POM121C: variants seen among roughly 807,000 people sequenced by gnomAD.
The protein encoded by POM121C is POM121 transmembrane nucleoporin C.
POM121C carries 20 observed loss-of-function variants against 66.4 expected under a neutral mutation model. The ratio of observed to expected loss-of-function variants is 0.30; its 90% CI spans 0.21 to 0.44. POM121C has a LOEUF of 0.44. Among genes scored for constraint, POM121C ranks in the 20% least tolerant of loss-of-function variants. The pLI is 1.00. For synonymous variants in POM121C, 286 were observed against 528.0 expected (o/e 0.54, Z 6.28); for missense variants, 580 against 1,225.7 (o/e 0.47, Z 7.87).
intron 3 of POM121C, chr7:75,442,632 C>T: frequency 3.4e-6 from 5 of 1,487,964 alleles, no homozygotes; most frequent in Non-Finnish European, 3.6e-6. Flanking sequence ...CCGGCCGGCC[C>T]GCCGCAGCCC....
chr7:75,423,812 C>T lies in POM121C; in HGVS notation c.1048+237G>A, dbSNP rs587674479. Among the ~76,000 whole-genome samples, 10 of 152,120 alleles carry T rather than the reference C, an allele frequency of 6.6e-5. No individual in the cohort carries two copies. The South Asian group carries it at 2.1e-3, about 32-fold the overall frequency. ...ATTCTCATCTGACAAATGAGGAAGG[C>T]GAGGCTCAGGGCAGCTAAGCCAGGC... On this transcript the variant is annotated intron_variant, in intron 12 of 14. Coordinates refer to ENST00000615331, the MANE Select transcript of POM121C (RefSeq NM_001099415.3).
At chr7:75,472,121 C>T (rs1433005743) in intron 3 of POM121C, among the ~76,000 whole-genome samples, 26 of 151,722 alleles carry the variant, frequency 1.7e-4, no homozygotes, top group African/African-American at 5.8e-4. Flanking sequence ...CTCCTGACCT[C>T]GTGATCCGCC....
At chr7:75,419,563 C>T in intron 13 of POM121C, 121 bp from the exon 14 acceptor site, 1 of 1,159,980 alleles carries the variant, frequency 8.6e-7, no homozygotes, top group African/African-American at 1.6e-5. Context: ...ACTTCTGCTT[C>T]TGGGGCACTC....
At chr7:75,450,854 A>C (rs1161188518) in intron 3 of POM121C, among the ~76,000 whole-genome samples, 1 of 152,220 alleles carries the variant, frequency 6.6e-6, no homozygotes, top group Non-Finnish European at 1.5e-5. Flanking sequence ...AATGACAATC[A>C]CAAATCATGC....
At position 75,418,475 on chromosome 7, in the gene POM121C, C is replaced by T. The variant is rs1305897159; in HGVS notation, c.*321G>A. The T allele has an allele frequency of 4.2e-5, 45 of 1,078,678 alleles. No homozygotes were observed. The highest frequency in any genetic ancestry group is 6.6e-5 in the East Asian group (1 of 15,134). 66.8% of individuals were successfully genotyped at this position (1,078,678 alleles called of 1,614,324 possible). ...GGCTCTCGGGGAAAGGTGGAAGGGG[C>T]GCCTGCCTAAGGGTGCGCTAAGCGG... On this transcript the variant is annotated 3_prime_UTR_variant, in exon 15 of 15. Transcript: ENST00000615331.
At chr7:75,482,905 C>T (rs1445788483) in intron 1 of POM121C, among the ~76,000 whole-genome samples, 1 of 152,152 alleles carries the variant, frequency 6.6e-6, no homozygotes, top group Non-Finnish European at 1.5e-5. Flanking sequence ...CACTGGTCAC[C>T]TTTACTGACT....
At chr7:75,448,806 A>T (rs1167524768) in intron 3 of POM121C, among the ~76,000 whole-genome samples, 1 of 151,708 alleles carries the variant, frequency 6.6e-6, no homozygotes, top group Non-Finnish European at 1.5e-5. Flanking sequence ...GTCTCAAAAA[A>T]AAAAAACCAA....
At chr7:75,479,997 A>T (rs2116547921) in intron 1 of POM121C, among the ~76,000 whole-genome samples, 1 of 151,098 alleles carries the variant, frequency 6.6e-6, no homozygotes, top group East Asian at 1.9e-4. Context: ...AAGAAAGCAA[A>T]GACAACGGAC....
At chr7:75,432,092 A>G (rs1335309372) in intron 7 of POM121C, among the ~76,000 whole-genome samples, 3 of 151,430 alleles carry the variant, frequency 2.0e-5, no homozygotes, top group East Asian at 3.9e-4. Flanking sequence ...AGGCTGAGGC[A>G]GCAGAATAGC....
rs368086019 is a variant in POM121C at position 75,440,174 on chromosome 7, C to T, written c.227+780G>A. On this transcript the variant is annotated intron_variant, in intron 5 of 14. Transcript: ENST00000615331. ...GGGATTATAGGCGTGAGCCACCTTG[C>T]CCTGCCAGGAAATTGGTTTTAATCT... Among the ~76,000 whole-genome samples the T allele has an allele frequency of 1.5e-4, 23 of 152,158 alleles. No individual in the cohort carries two copies. The East Asian group carries it at 3.5e-3, about 23-fold the overall frequency.
rs1792542920 is a variant in POM121C at position 75,486,223 on chromosome 7, A to G, written c.-817T>C. 1 of 286,674 alleles carries G rather than the reference A, an allele frequency of 3.5e-6. No homozygotes were observed. Among genetic ancestry groups the G allele is most frequent in the Admixed American group, 5.3e-5 (1 of 18,846 alleles). The allele number at this position is 286,674 out of a possible 1,614,324, so 17.8% of individuals were successfully genotyped here. On this transcript the variant is annotated 5_prime_UTR_variant, in exon 1 of 15. Coordinates refer to ENST00000615331, the MANE Select transcript of POM121C (RefSeq NM_001099415.3). ...AGCATCCAGCCCCGCAGACTCGGTGATTCTCGTCCACTAGAAGCCAAAGCC... is the reference window on the plus strand; with the variant it reads ...AGCATCCAGCCCCGCAGACTCGGTGGTTCTCGTCCACTAGAAGCCAAAGCC...
intron 3 of POM121C, 74 bp downstream of exon 3, chr7:75,474,630 T>C (rs1193923751): frequency 3.5e-6 from 2 of 569,912 alleles, no homozygotes; most frequent in African/African-American, 1.9e-5. Context: ...ACCGAATACA[T>C]ATAAACAACT....
At chr7:75,442,123 T>C (rs1200318078) in intron 3 of POM121C, 2 of 1,367,786 alleles carry the variant, frequency 1.5e-6, no homozygotes, top group Admixed American at 3.6e-5. Context: ...GAGGATGATC[T>C]GGGAAAATCA....
chr7:75,472,556 T>C lies in POM121C; in HGVS notation c.-152+2148A>G, dbSNP rs587664478. Among the ~76,000 whole-genome samples the C allele has an allele frequency of 9.8e-4, 148 of 151,768 alleles. 1 individual carries two copies. In the South Asian group the frequency reaches 0.022, roughly 23 times the overall value. On this transcript the variant is annotated intron_variant, in intron 3 of 14. Coordinates refer to ENST00000615331, the MANE Select transcript of POM121C (RefSeq NM_001099415.3). ...GCACAGTGGCTCAGGCCTGTAATCC[T>C]AGCACTTTGAGAGGCTGAGGCAGGT...
chr7:75,485,243 T>C (rs1252732417), intron 1 of POM121C, among the ~76,000 whole-genome samples: 2 of 152,170 alleles, frequency 1.3e-5, no homozygotes, highest in African/African-American at 4.8e-5. Context: ...GTATAAAATA[T>C]GGTTTTGTTT....
chr7:75,441,342 T>G lies in POM121C; in HGVS notation c.65+90A>C, dbSNP rs781982133. ...AACAAGCAGATTCGTCCTTTCTTTT[T>G]TGCGTTGTAGTCATGTTGTCACAGG... On this transcript the variant is annotated intron_variant, in intron 4 of 14. Coordinates refer to ENST00000615331, the MANE Select transcript of POM121C (RefSeq NM_001099415.3). The G allele has an allele frequency of 3.0e-5, 43 of 1,434,260 alleles. 1 individual carries two copies. In the Admixed American group the frequency reaches 8.3e-4, roughly 28 times the overall value. 88.8% of individuals were successfully genotyped at this position (1,434,260 alleles called of 1,614,324 possible).
At chr7:75,477,020 A>G (rs1428263754) in intron 1 of POM121C, among the ~76,000 whole-genome samples, 2 of 152,114 alleles carry the variant, frequency 1.3e-5, no homozygotes, top group Admixed American at 1.3e-4. Flanking sequence ...ACACAAATAT[A>G]AATATTACAC....
chr7:75,440,153 T>G (rs1264270344), intron 5 of POM121C, among the ~76,000 whole-genome samples: 2 of 151,974 alleles, frequency 1.3e-5, no homozygotes, highest in African/African-American at 4.8e-5. Flanking sequence ...GGTGCTGGGA[T>G]TATAGGCGTG....
chr7:75,464,608 AT>A (rs1466098914), intron 3 of POM121C, among the ~76,000 whole-genome samples: 2 of 151,496 alleles, frequency 1.3e-5, no homozygotes, highest in African/African-American at 4.9e-5. Context: ...CAATAAAAGA[AT>A]TTATTATAGA....
Sources: gnomAD v4.1 joint callset for allele counts (sites outside exome capture counted in the v4.1 genomes callset) on GRCh38, gnomAD v4.1.1 for gene constraint, MANE v1.5 for transcripts, NCBI Gene and HGNC (gene_info 2026-07-23, HGNC 2026-07-21) for gene names.